The following DCAF1 variants were observed in gnomAD, a reference collection of about 807,000 sequenced individuals.
DCAF1 encodes DDB1- and CUL4-associated factor 1.
Under a neutral mutation model 128.0 loss-of-function variants are expected in DCAF1, and 15 were observed. The observed-to-expected ratio is 0.12, with a 90% CI of 0.08 to 0.18. DCAF1 has a LOEUF of 0.18. DCAF1 is among the 10% of genes least tolerant of loss of function. The probability of loss-of-function intolerance (pLI) is 1.00; values close to 1 mark genes in which losing one functional copy is unlikely to be tolerated. For missense variants in DCAF1, 988 were observed against 1,649.5 expected (o/e 0.60, Z 6.95); for synonymous variants, 610 against 603.0 (o/e 1.01, Z -0.17).
intron 3 of DCAF1, 70 bp downstream of exon 3, chr3:51,483,649 G>GTGTGT: frequency 4.4e-5 from 39 of 880,602 alleles, no homozygotes; most frequent in Non-Finnish European, 6.2e-5. Flanking sequence ...GTGTGTGTAT[G>GTGTGT]AAGAAATCTA....
At chr3:51,457,195 A>C (rs1703016806) in intron 6 of DCAF1, among the ~76,000 whole-genome samples, 1 of 152,340 alleles carries the variant, frequency 6.6e-6, no homozygotes, top group African/African-American at 2.4e-5. Context: ...TAACTAGAAT[A>C]ACCAATGCAG....
chr3:51,462,695 G>A (rs533243082), intron 6 of DCAF1, among the ~76,000 whole-genome samples: 39 of 130,406 alleles, frequency 3.0e-4, no homozygotes, highest in Non-Finnish European at 5.0e-4. Flanking sequence ...GTAGTGAGCT[G>A]AAATTGTGCC....
intron 9 of DCAF1, among the ~76,000 whole-genome samples, chr3:51,434,401 G>A (rs910831071): frequency 2.6e-5 from 4 of 152,164 alleles, no homozygotes; most frequent in Non-Finnish European, 4.4e-5. Flanking sequence ...GTAAGACCCT[G>A]TCAGTCAATC....
chr3:51,488,660 G>A (rs62257549), intron 2 of DCAF1, among the ~76,000 whole-genome samples: 25,078 of 152,210 alleles, frequency 0.16, 2,442 homozygotes, highest in South Asian at 0.33. Context: ...AAAATTAGCC[G>A]GGCATGGTGG....
chr3:51,486,884 G>A (rs1553655693), intron 2 of DCAF1, among the ~76,000 whole-genome samples: 3 of 151,492 alleles, frequency 2.0e-5, no homozygotes, highest in Middle Eastern at 3.4e-3. Flanking sequence ...CGCCTGCCTC[G>A]GCCTCCCAAA....
chr3:51,424,503 T>C (rs1276755147), intron 13 of DCAF1, among the ~76,000 whole-genome samples: 2 of 151,260 alleles, frequency 1.3e-5, no homozygotes, highest in Admixed American at 1.3e-4. Flanking sequence ...AATTTGGCAA[T>C]ATCCAATAAA....
At chr3:51,410,347 G>A (rs1553628072) in intron 23 of DCAF1, among the ~76,000 whole-genome samples, 1 of 152,152 alleles carries the variant, frequency 6.6e-6, no homozygotes, top group Non-Finnish European at 1.5e-5. Context: ...GCACACACAG[G>A]GGATTTTAGG....
rs1353918856 is a variant in DCAF1 at position 51,433,758 on chromosome 3, C to G, written c.1129-494G>C. Among the ~76,000 whole-genome samples the G allele has an allele frequency of 2.6e-5, 4 of 150,958 alleles. No homozygotes were observed. In the East Asian group the frequency reaches 8.1e-4, roughly 31 times the overall value. ...GATTACAGGCGTGAGCCACCATGCCCAGCCTGATTTTTTTATGAAGGTGAA... is the reference window on the plus strand; with the variant it reads ...GATTACAGGCGTGAGCCACCATGCCGAGCCTGATTTTTTTATGAAGGTGAA... On this transcript the variant is annotated intron_variant, in intron 9 of 24. Coordinates refer to ENST00000684031, the MANE Select transcript of DCAF1 (RefSeq NM_001387579.1).
At chr3:51,491,236 T>A (rs1707604687) in intron 2 of DCAF1, among the ~76,000 whole-genome samples, 1 of 150,982 alleles carries the variant, frequency 6.6e-6, no homozygotes, top group Non-Finnish European at 1.5e-5. Context: ...TAATCCCAGC[T>A]ACTGGGACAG....
intron 3 of DCAF1, among the ~76,000 whole-genome samples, chr3:51,478,980 G>A (rs1705825933): frequency 6.6e-6 from 1 of 152,062 alleles, no homozygotes. Flanking sequence ...AGAGATCACT[G>A]CACAAACAAA....
intron 23 of DCAF1, among the ~76,000 whole-genome samples, chr3:51,406,092 C>T (rs1553626513): frequency 6.6e-6 from 1 of 151,620 alleles, no homozygotes; most frequent in Admixed American, 6.6e-5. Flanking sequence ...ACCTGTAATC[C>T]CAACACTTTG....
downstream of DCAF1, chr3:51,396,120 T>A (rs141711597): frequency 8.1e-5 from 33 of 407,466 alleles, no homozygotes; most frequent in Admixed American, 4.9e-4. Context: ...GTCCAAAACT[T>A]CTTCTCTGGG....
At chr3:51,414,094 C>A (rs1698669247) in intron 19 of DCAF1, 51 bp from the exon 20 acceptor site, 2 of 1,506,690 alleles carry the variant, frequency 1.3e-6, no homozygotes, top group Non-Finnish European at 1.8e-6. Flanking sequence ...CTTATCTAAT[C>A]TCATGGGAGG....
intron 1 of DCAF1, among the ~76,000 whole-genome samples, chr3:51,498,451 A>G (rs1166671770): frequency 6.6e-6 from 1 of 152,092 alleles, no homozygotes; most frequent in African/African-American, 2.4e-5. Context: ...GTATCTAAAA[A>G]AACAGGCCAG....
At chr3:51,415,310 T>C (rs1264522276) in intron 18 of DCAF1, among the ~76,000 whole-genome samples, 6 of 151,356 alleles carry the variant, frequency 4.0e-5, no homozygotes, top group Non-Finnish European at 8.8e-5. Context: ...CTGGGCAACG[T>C]TGGGGAAATG....
chr3:51,500,802 T>C (rs1708764142), upstream of DCAF1, among the ~76,000 whole-genome samples: 1 of 151,538 alleles, frequency 6.6e-6, no homozygotes, highest in South Asian at 2.1e-4. Flanking sequence ...CCAGCCTCTT[T>C]TTTCTCTGTC....
Position 51,441,646 on chromosome 3 carries a change from T to C in DCAF1, c.765A>G (p.Ser255=). Residue 255 remains serine, a synonymous_variant, in exon 8 of 25, where the codon TCA becomes TCG. Coordinates refer to ENST00000684031, the MANE Select transcript of DCAF1 (RefSeq NM_001387579.1). ...SGHKTSSRVN[S]TTKPEDGGLK... ...ATCCTCCATCCTCAGGTTTGGTTGT[T>C]GAGTTCACTCTGCTACTAGTCTTGT... 6 of 1,613,992 alleles carry C rather than the reference T, an allele frequency of 3.7e-6. No individual in the cohort carries two copies. The highest frequency in any genetic ancestry group is 5.1e-6 in the Non-Finnish European group (6 of 1,179,892).
At chr3:51,446,992 AT>A (rs1701928026) in intron 6 of DCAF1, among the ~76,000 whole-genome samples, 1 of 148,004 alleles carries the variant, frequency 6.8e-6, no homozygotes, top group Non-Finnish European at 1.5e-5. Flanking sequence ...AATAATAATA[AT>A]AATAATAAAA....
At chr3:51,412,512 G>C (rs782053493) in intron 22 of DCAF1, 32 bp from the exon 23 acceptor site, 1 of 1,613,018 alleles carries the variant, frequency 6.2e-7, no homozygotes, top group Non-Finnish European at 8.5e-7. Flanking sequence ...ATAAGGAGCA[G>C]TTACTTTTCA....
Sources: allele counts gnomAD v4.1 joint callset (sites outside exome capture counted in the v4.1 genomes callset), GRCh38; gene constraint gnomAD v4.1.1; transcripts MANE v1.5; gene names NCBI Gene and HGNC (gene_info 2026-07-23, HGNC 2026-07-21).